RORA: variants seen among roughly 807,000 people sequenced by gnomAD.
The protein encoded by RORA is nuclear receptor ROR-alpha.
A neutral mutation model predicts 69.5 loss-of-function variants in RORA; 7 were observed. The ratio of observed to expected loss-of-function variants is 0.10; its 90% CI spans 0.06 to 0.19. The LOEUF (loss-of-function observed/expected upper bound fraction) is 0.19. Among genes scored for constraint, RORA ranks in the 10% least tolerant of loss-of-function variants. The pLI is 1.00. For synonymous variants in RORA, 261 were observed against 240.8 expected, an observed-to-expected ratio of 1.08 and a Z score of -0.78; for missense variants, 457 against 663.0, an observed-to-expected ratio of 0.69 and a Z score of 3.41.
intron 1 of RORA, among the ~76,000 whole-genome samples, chr15:60,828,879 T>A (rs938067050): frequency 3.0e-4 from 46 of 152,194 alleles, no homozygotes; most frequent in Non-Finnish European, 4.4e-5. Context: ...TTGCATTCAT[T>A]ATGGTCTCAG....
chr15:61,139,894 TA>T (rs1418569813), intron 1 of RORA, among the ~76,000 whole-genome samples: 2 of 152,214 alleles, frequency 1.3e-5, no homozygotes, highest in African/African-American at 4.8e-5. Flanking sequence ...GGGTTTTCTT[TA>T]AAAATATAGT....
chr15:61,222,607 G>A (rs1228735633), intron 1 of RORA, among the ~76,000 whole-genome samples: 2 of 152,148 alleles, frequency 1.3e-5, no homozygotes, highest in East Asian at 3.9e-4. Context: ...AGAACATCAG[G>A]ACTCCCAAGC....
intron 1 of RORA, among the ~76,000 whole-genome samples, chr15:61,084,542 C>T (rs1057016192): frequency 5.3e-5 from 8 of 152,100 alleles, no homozygotes; most frequent in Non-Finnish European, 7.4e-5. Flanking sequence ...TTCTTAGAAG[C>T]GAAGGAATAT....
intron 1 of RORA, among the ~76,000 whole-genome samples, chr15:60,944,763 G>A (rs1892816276): frequency 6.6e-6 from 1 of 151,164 alleles, no homozygotes; most frequent in Non-Finnish European, 1.5e-5. Context: ...TTCCCAGAGG[G>A]CAATACACCA....
intron 1 of RORA, among the ~76,000 whole-genome samples, chr15:61,062,457 C>T (rs1170634421): frequency 1.3e-5 from 2 of 152,116 alleles, no homozygotes; most frequent in African/African-American, 4.8e-5. Context: ...GACGCCAGGC[C>T]TGGATGGAGT....
intron 1 of RORA, among the ~76,000 whole-genome samples, chr15:61,095,841 T>C (rs1388027235): frequency 2.0e-5 from 3 of 152,276 alleles, no homozygotes; most frequent in Admixed American, 6.5e-5. Flanking sequence ...CAGGGGCCCC[T>C]TGGGACACAA....
intron 1 of RORA, among the ~76,000 whole-genome samples, chr15:60,975,267 A>G (rs1893843790): frequency 6.6e-6 from 1 of 152,196 alleles, no homozygotes; most frequent in African/African-American, 2.4e-5. Context: ...ATCCGTCATA[A>G]CATACATTGT....
chr15:60,746,622 G>C (rs1168411231), intron 1 of RORA, among the ~76,000 whole-genome samples: 1 of 152,208 alleles, frequency 6.6e-6, no homozygotes, highest in Non-Finnish European at 1.5e-5. Context: ...CAAGGAGACA[G>C]AAGTTTCTAT....
intron 2 of RORA, chr15:60,615,135 G>A: frequency 2.9e-6 from 4 of 1,379,574 alleles, no homozygotes; most frequent in Non-Finnish European, 4.0e-6. Flanking sequence ...AAGTCCTAAT[G>A]CTCTCTCGTG....
intron 1 of RORA, among the ~76,000 whole-genome samples, chr15:60,814,544 C>T (rs7165272): frequency 3.9e-5 from 6 of 151,922 alleles, no homozygotes; most frequent in East Asian, 1.9e-4. Context: ...ACATAGTCCC[C>T]GGGATATTTT....
rs957132822 is a variant in RORA at position 60,511,524 on chromosome 15, C to T, written c.522G>A (p.Gln174=). Residue 174 remains glutamine, a synonymous_variant, in exon 5 of 11, where the codon CAG becomes CAA. Transcript: ENST00000335670. The surrounding 1 kb of genome is among the most constrained non-coding windows in gnomAD (Gnocchi z 6.4). The part of the protein sequence containing the change: ...RMQQQQRDHQ[Q]QPGEAEPLTP... The stretch of plus-strand genomic sequence containing the variant: ...TCAGCGGCTCAGCCTCTCCAGGCTG[C>T]TGCTGGTGGTCGCGCTGCTGCTGCT... 6.2e-7 allele frequency: 1 copy of T among 1,614,050 alleles called. No individual in the cohort carries two copies. Among genetic ancestry groups the T allele is most frequent in the Non-Finnish European group, 8.5e-7 (1 of 1,180,008 alleles).
chr15:60,743,145 G>C (rs906350484), intron 1 of RORA, among the ~76,000 whole-genome samples: 1 of 150,740 alleles, frequency 6.6e-6, no homozygotes, highest in Non-Finnish European at 1.5e-5. Flanking sequence ...CTCCTGAGTA[G>C]CTGGGACTAC....
rs115976864 is a variant in RORA at position 60,813,795 on chromosome 15, A to C, written c.167-135109T>G. Among the ~76,000 whole-genome samples, 999 of 152,304 alleles carry C rather than the reference A, an allele frequency of 6.6e-3. 10 individuals are homozygous for C. Among genetic ancestry groups the C allele is most frequent in the African/African-American group, 0.023 (969 of 41,564 alleles). ...GTTGCCTTATTTTATCTTTGAAATA[A>C]TCCTGAGAAATAGCATAATTATCAT... is the stretch of plus-strand genomic sequence containing the variant. On this transcript the variant is annotated intron_variant, in intron 1 of 10. Transcript: ENST00000335670.
At chr15:60,648,136 T>G (rs750689176) in intron 2 of RORA, among the ~76,000 whole-genome samples, 1 of 152,238 alleles carries the variant, frequency 6.6e-6, no homozygotes, top group South Asian at 2.1e-4. Flanking sequence ...GGTGTCTCAT[T>G]CTGTTTGCAA....
intron 2 of RORA, among the ~76,000 whole-genome samples, chr15:60,655,923 A>G (rs1052871029): frequency 6.6e-6 from 1 of 152,222 alleles, no homozygotes; most frequent in Non-Finnish European, 1.5e-5. Flanking sequence ...ATTAAAGAAT[A>G]ATTTCAAGGA....
At chr15:60,885,932 G>T (rs1033397054) in intron 1 of RORA, among the ~76,000 whole-genome samples, 4 of 152,210 alleles carry the variant, frequency 2.6e-5, no homozygotes, top group African/African-American at 9.6e-5. Context: ...GAGCCATCTT[G>T]TCTGTGTTAA....
At chr15:61,200,665 A>C (rs1469858485) in intron 1 of RORA, among the ~76,000 whole-genome samples, 1 of 152,204 alleles carries the variant, frequency 6.6e-6, no homozygotes, top group Non-Finnish European at 1.5e-5. Context: ...CTGACTCAGG[A>C]GGGCACAGGC....
chr15:60,671,094 A>C (rs897419470), intron 2 of RORA, among the ~76,000 whole-genome samples: 1 of 118,118 alleles, frequency 8.5e-6, no homozygotes, highest in South Asian at 2.8e-4. Context: ...ATATATATAT[A>C]TATCTGTTTC....
At chr15:61,121,080 CCT>C in intron 1 of RORA, among the ~76,000 whole-genome samples, 1 of 151,936 alleles carries the variant, frequency 6.6e-6, no homozygotes, top group East Asian at 2.0e-4. Flanking sequence ...AAACTCCTGA[CCT>C]CAGGTGAACC....
Sources: gnomAD v4.1 joint callset for allele counts (sites outside exome capture counted in the v4.1 genomes callset) on GRCh38, gnomAD v4.1.1 for gene constraint, Gnocchi (gnomAD v3.1) non-coding constraint, MANE v1.5 for transcripts, NCBI Gene and HGNC (gene_info 2026-07-23, HGNC 2026-07-21) for gene names.